The following DENND1B variants were observed in gnomAD, a reference collection of about 807,000 sequenced individuals.
DENND1B encodes DENN domain-containing protein 1B.
In DENND1B, 59 loss-of-function variants were observed where a neutral mutation model predicts 90.1. The ratio of observed to expected loss-of-function variants is 0.65; its 90% CI spans 0.53 to 0.81. DENND1B has a LOEUF of 0.81. DENND1B is among the 40% of genes least tolerant of loss of function. The pLI is 0.00. For missense variants in DENND1B, 862 were observed against 912.6 expected, an observed-to-expected ratio of 0.94 and a Z score of 0.71; for synonymous variants, 337 against 324.6, an observed-to-expected ratio of 1.04 and a Z score of -0.41.
At chr1:197,626,025 G>C (rs1678672843) in intron 10 of DENND1B, among the ~76,000 whole-genome samples, 2 of 152,012 alleles carry the variant, frequency 1.3e-5, no homozygotes, top group African/African-American at 4.8e-5. Flanking sequence ...CATAAAACAA[G>C]TCCTAAGTGA....
At chr1:197,758,090 AG>A (rs1342837811) in intron 2 of DENND1B, among the ~76,000 whole-genome samples, 1 of 152,222 alleles carries the variant, frequency 6.6e-6, no homozygotes, top group African/African-American at 2.4e-5. Flanking sequence ...GCTAAAGAAA[AG>A]TCACATTGTA....
chr1:197,751,546 G>T (rs1653502814), intron 2 of DENND1B, among the ~76,000 whole-genome samples: 1 of 151,990 alleles, frequency 6.6e-6, no homozygotes, highest in Non-Finnish European at 1.5e-5. Flanking sequence ...CAAAGTAGAA[G>T]AAAATAATAA....
Position 197,775,460 on chromosome 1 carries a change from G to A in DENND1B, c.-305C>T. On this transcript the variant is annotated 5_prime_UTR_variant, in exon 1 of 23. Coordinates refer to ENST00000620048, the MANE Select transcript of DENND1B (RefSeq NM_001195215.2). ...GTTCCTGCGACCGGGGCCGCCCGCT[G>A]CGGCTCCTGCACCTTCTTGCAAATC... 3.8e-6 allele frequency: 1 copy of A among 263,774 alleles called. No homozygotes were observed. 16.3% of individuals were successfully genotyped at this position (263,774 alleles called of 1,614,324 possible).
chr1:197,697,851 T>C (rs1558415527), intron 3 of DENND1B, among the ~76,000 whole-genome samples: 1 of 151,962 alleles, frequency 6.6e-6, no homozygotes, highest in East Asian at 1.9e-4. Flanking sequence ...AAGGGAACAA[T>C]TCAACAAGAA....
intron 10 of DENND1B, among the ~76,000 whole-genome samples, chr1:197,628,376 A>C (rs546761783): frequency 2.0e-5 from 3 of 151,870 alleles, no homozygotes; most frequent in Non-Finnish European, 4.4e-5. Flanking sequence ...ACGCCGCATA[A>C]CTACAACTAT....
intron 4 of DENND1B, 77 bp downstream of exon 4, chr1:197,674,043 T>C (rs753811571): frequency 8.8e-5 from 92 of 1,045,378 alleles, no homozygotes; most frequent in Non-Finnish European, 1.2e-4. Flanking sequence ...TTTTATTTTA[T>C]AAAAAAGCAC....
intron 3 of DENND1B, among the ~76,000 whole-genome samples, chr1:197,675,786 CAATA>C (rs997713851): frequency 6.6e-6 from 1 of 152,066 alleles, no homozygotes; most frequent in Non-Finnish European, 1.5e-5. Flanking sequence ...ATTTCTGTAA[CAATA>C]AAGAACATAT....
At chr1:197,758,857 T>C (rs1202930005) in intron 2 of DENND1B, among the ~76,000 whole-genome samples, 1 of 151,966 alleles carries the variant, frequency 6.6e-6, no homozygotes, top group Non-Finnish European at 1.5e-5. Flanking sequence ...TCTTATGAAA[T>C]TCTCTCTCCT....
intron 3 of DENND1B, among the ~76,000 whole-genome samples, chr1:197,704,921 C>T (rs1022757523): frequency 7.2e-5 from 11 of 152,048 alleles, no homozygotes; most frequent in African/African-American, 2.4e-4. Context: ...CTTAGCTCTG[C>T]CTCTTACAAG....
At chr1:197,517,784 A>G (rs1668502149) in intron 20 of DENND1B, among the ~76,000 whole-genome samples, 1 of 151,896 alleles carries the variant, frequency 6.6e-6, no homozygotes, top group Non-Finnish European at 1.5e-5. Flanking sequence ...TTCACCTGCC[A>G]TAAAGATGTT....
intron 10 of DENND1B, among the ~76,000 whole-genome samples, chr1:197,633,116 A>G (rs1679477802): frequency 6.6e-6 from 1 of 152,230 alleles, no homozygotes; most frequent in African/African-American, 2.4e-5. Context: ...TAATAAAAGG[A>G]AGCCATACAT....
At chr1:197,526,892 TA>T (rs1239442939) in intron 20 of DENND1B, among the ~76,000 whole-genome samples, 1 of 152,174 alleles carries the variant, frequency 6.6e-6, no homozygotes, top group African/African-American at 2.4e-5. Context: ...AAAGACACAC[TA>T]TTCTGAAAGG....
intron 2 of DENND1B, among the ~76,000 whole-genome samples, chr1:197,744,175 T>G (rs1335926010): frequency 1.3e-5 from 2 of 152,244 alleles, no homozygotes; most frequent in African/African-American, 4.8e-5. Context: ...TGTCGATATT[T>G]TGACCTCCTC....
Position 197,553,003 on chromosome 1 carries a change from T to C in DENND1B, c.1240+19A>G, listed in dbSNP as rs1178037206. The C allele has an allele frequency of 1.3e-6, 2 of 1,569,460 alleles. No individual in the cohort carries two copies. The highest frequency in any genetic ancestry group is 4.7e-5 in the East Asian group (2 of 42,730). ...TTGTTATTGAGAAAATGGATAATCA[T>C]ATTGTAACTTGTCTTTACCTCCACA... On this transcript the variant is annotated intron_variant, in intron 16 of 22. Transcript: ENST00000620048.
chr1:197,705,001 G>A (rs1220978051), intron 3 of DENND1B, among the ~76,000 whole-genome samples: 1 of 152,084 alleles, frequency 6.6e-6, no homozygotes, highest in African/African-American at 2.4e-5. Flanking sequence ...TATTAGCCCT[G>A]GGAGGATTTA....
intron 10 of DENND1B, among the ~76,000 whole-genome samples, chr1:197,642,143 T>C (rs1179159859): frequency 2.0e-5 from 3 of 152,134 alleles, no homozygotes; most frequent in African/African-American, 4.8e-5. Flanking sequence ...TTTACCATAT[T>C]AATAAAGACC....
intron 3 of DENND1B, among the ~76,000 whole-genome samples, chr1:197,686,556 C>T (rs1399671324): frequency 6.6e-6 from 1 of 152,062 alleles, no homozygotes; most frequent in Non-Finnish European, 1.5e-5. Context: ...TGTGTGACAC[C>T]TCGCTCAATG....
Position 197,645,720 on chromosome 1 carries a change from A to C in DENND1B, c.531T>G (p.Asp177Glu), listed in dbSNP as rs767759521. Residue 177 changes from aspartate to glutamate, a missense_variant, in exon 9 of 23, where the codon GAT (aspartate) becomes GAG (glutamate). Physicochemically the swap from Asp to Glu is conservative, Grantham distance 45. Coordinates refer to ENST00000620048, the MANE Select transcript of DENND1B (RefSeq NM_001195215.2). ...LVPHSYFIAP[D>E]VTGLPTIPES... The stretch of plus-strand genomic sequence containing the variant: ...CGGGTATTGTTGGGAGTCCAGTTAC[A>C]TCAGGGGCAATGAAGTAGGAATGCT... 6.4e-7 allele frequency: 1 copy of C among 1,574,564 alleles called. No homozygotes were observed. Among genetic ancestry groups the C allele is most frequent in the Middle Eastern group, 1.7e-4 (1 of 5,716 alleles).
chr1:197,568,425 C>T (rs1418587620), intron 15 of DENND1B, among the ~76,000 whole-genome samples: 1 of 151,880 alleles, frequency 6.6e-6, no homozygotes, highest in Non-Finnish European at 1.5e-5. Flanking sequence ...TCCATACTAC[C>T]CAAAGGGATC....
Sources: gnomAD v4.1 joint callset for allele counts (sites outside exome capture counted in the v4.1 genomes callset) on GRCh38, gnomAD v4.1.1 for gene constraint, MANE v1.5 for transcripts, NCBI Gene and HGNC (gene_info 2026-07-23, HGNC 2026-07-21) for gene names.